The following PDE1C variants were observed in gnomAD, a reference collection of about 807,000 sequenced individuals.
PDE1C encodes phosphodiesterase 1C.
Under a neutral mutation model 93.1 loss-of-function variants are expected in PDE1C, and 62 were observed. The observed-to-expected ratio is 0.67, with a 90% CI of 0.54 to 0.82. PDE1C has a LOEUF of 0.82. Among genes scored for constraint, PDE1C ranks in the 40% least tolerant of loss-of-function variants. The probability of loss-of-function intolerance (pLI) is 0.00; values close to 1 mark genes in which losing one functional copy is unlikely to be tolerated. For missense variants in PDE1C, 742 were observed against 884.6 expected (o/e 0.84, Z 2.04); for synonymous variants, 325 against 310.1 (o/e 1.05, Z -0.50).
intron 1 of PDE1C, among the ~76,000 whole-genome samples, chr7:32,341,192 T>TGAAA (rs1783744368): frequency 1.5e-5 from 2 of 134,038 alleles, no homozygotes; most frequent in African/African-American, 5.8e-5. Flanking sequence ...TTTTTTTTTT[T>TGAAA]TGAGACGGAG....
At chr7:31,705,379 A>G in the PDE1C span, among the ~76,000 whole-genome samples, 5 of 152,194 alleles carry the variant, frequency 3.3e-5, no homozygotes, top group African/African-American at 1.2e-4. Context: ...TTTGGGGCTC[A>G]GCATAGCTAA....
rs981003711 is a variant in PDE1C, at chr7:31,753,304, G to A, written c.*80C>T. 2 of 1,525,162 alleles carry A rather than the reference G, an allele frequency of 1.3e-6. No individual in the cohort carries two copies. The highest frequency in any genetic ancestry group is 1.8e-6 in the Non-Finnish European group (2 of 1,133,556). The allele number at this position is 1,525,162 out of a possible 1,614,324, so 94.5% of individuals were successfully genotyped here. Reference sequence around the variant, plus strand: ...TCCAACAGCCTCCAAGGGTCTTGGAGGTGTGTCCTGCTGTGGCCAGTGGGT... The same window carrying A: ...TCCAACAGCCTCCAAGGGTCTTGGAAGTGTGTCCTGCTGTGGCCAGTGGGT... On this transcript the variant is annotated 3_prime_UTR_variant, in exon 18 of 18. Coordinates refer to ENST00000396191, the MANE Select transcript of PDE1C (RefSeq NM_001191057.4).
chr7:31,688,387 C>T, the PDE1C span, among the ~76,000 whole-genome samples: 7 of 152,184 alleles, frequency 4.6e-5, no homozygotes, highest in East Asian at 1.9e-4. Context: ...TAATTTAAAC[C>T]GCATATTCTC....
At chr7:32,398,094 A>G (rs1784869776) in intron 1 of PDE1C, among the ~76,000 whole-genome samples, 1 of 151,698 alleles carries the variant, frequency 6.6e-6, no homozygotes, top group Admixed American at 6.6e-5. Flanking sequence ...CGGAGCTTGC[A>G]GTGAGCCGAG....
chr7:31,959,466 G>A (rs530893968), intron 2 of PDE1C, among the ~76,000 whole-genome samples: 5 of 152,164 alleles, frequency 3.3e-5, no homozygotes, highest in Non-Finnish European at 7.4e-5. Context: ...CACCCTCTTC[G>A]GGCTCCCAAA....
At chr7:32,242,091 A>G (rs2128870194) in intron 1 of PDE1C, among the ~76,000 whole-genome samples, 1 of 152,330 alleles carries the variant, frequency 6.6e-6, no homozygotes, top group African/African-American at 2.4e-5. Flanking sequence ...AGGATCCATT[A>G]TAAGATTTGT....
chr7:31,821,182 T>A (rs774342949), intron 14 of PDE1C, among the ~76,000 whole-genome samples: 105 of 152,124 alleles, frequency 6.9e-4, no homozygotes, highest in Non-Finnish European at 1.2e-3. Flanking sequence ...ATCCCAGAAG[T>A]CTGCTACATG....
intron 1 of PDE1C, among the ~76,000 whole-genome samples, chr7:32,250,933 T>C (rs1368278709): frequency 3.3e-5 from 5 of 152,236 alleles, no homozygotes; most frequent in Admixed American, 6.5e-5. Flanking sequence ...CTTCTTTTGA[T>C]TGAAAAGGCG....
At chr7:32,390,098 C>A (rs1784722145) in intron 1 of PDE1C, among the ~76,000 whole-genome samples, 1 of 152,036 alleles carries the variant, frequency 6.6e-6, no homozygotes, top group African/African-American at 2.4e-5. Flanking sequence ...TATTTTTCCC[C>A]TTTTTTCTGT....
intron 1 of PDE1C, among the ~76,000 whole-genome samples, chr7:32,406,279 A>G (rs1785050206): frequency 1.3e-5 from 2 of 152,186 alleles, no homozygotes; most frequent in Non-Finnish European, 2.9e-5. Flanking sequence ...TGTAATTTAA[A>G]AAAGAAGAAA....
At chr7:32,193,192 G>T (rs548188673) in intron 2 of PDE1C, among the ~76,000 whole-genome samples, 2 of 152,180 alleles carry the variant, frequency 1.3e-5, no homozygotes, top group African/African-American at 4.8e-5. Flanking sequence ...ACACTATGTT[G>T]AATAGGAGTG....
At chr7:32,391,913 G>A (rs1361917113) in intron 1 of PDE1C, among the ~76,000 whole-genome samples, 1 of 151,926 alleles carries the variant, frequency 6.6e-6, no homozygotes, top group Non-Finnish European at 1.5e-5. Flanking sequence ...AATAACCTAA[G>A]CTGCTACCTT....
Position 32,328,584 on chromosome 7 carries a change from C to T in PDE1C, c.310+99238G>A, listed in dbSNP as rs188428951. Among the ~76,000 whole-genome samples, 102 of 152,286 alleles carry T rather than the reference C, an allele frequency of 6.7e-4. 1 individual carries two copies. The highest frequency in any genetic ancestry group is 2.3e-3 in the African/African-American group (95 of 41,562). On this transcript the variant is annotated intron_variant, in intron 1 of 1. Coordinates refer to the PDE1C transcript ENST00000672256. Reference sequence around the variant, plus strand: ...GAACAAGCCAGGCTCTCTTCCACTTCAGGATCTTTGTATGTGTTGTTCTCT... The same window carrying T: ...GAACAAGCCAGGCTCTCTTCCACTTTAGGATCTTTGTATGTGTTGTTCTCT...
chr7:31,773,607 T>C (rs1795641322), intron 17 of PDE1C, among the ~76,000 whole-genome samples: 1 of 151,928 alleles, frequency 6.6e-6, no homozygotes, highest in African/African-American at 2.4e-5. Context: ...TAGAACAAGA[T>C]CTACTCACTA....
chr7:31,887,080 T>C (rs1798046247), intron 2 of PDE1C, among the ~76,000 whole-genome samples: 1 of 152,026 alleles, frequency 6.6e-6, no homozygotes, highest in Admixed American at 6.6e-5. Context: ...ACATAGTGAG[T>C]GAGATGGAAA....
intron 2 of PDE1C, among the ~76,000 whole-genome samples, chr7:32,194,439 G>A (rs1297043975): frequency 2.0e-5 from 3 of 152,050 alleles, no homozygotes; most frequent in African/African-American, 4.8e-5. Context: ...TCTCATTTTA[G>A]GTCTAACAGA....
chr7:31,801,432 C>A (rs1053808298), intron 16 of PDE1C, among the ~76,000 whole-genome samples: 2 of 151,414 alleles, frequency 1.3e-5, no homozygotes, highest in Non-Finnish European at 3.0e-5. Flanking sequence ...AGAATATAGT[C>A]TATCTTTTTA....
At chr7:31,655,771 C>T in the PDE1C span, 4 of 985,544 alleles carry the variant, frequency 4.1e-6, no homozygotes, top group Non-Finnish European at 4.8e-6. Flanking sequence ...AAGCTTTTTA[C>T]TCTTTACCCA....
At chr7:31,711,570 T>C in the PDE1C span, among the ~76,000 whole-genome samples, 1 of 152,134 alleles carries the variant, frequency 6.6e-6, no homozygotes, top group Non-Finnish European at 1.5e-5. Flanking sequence ...AAAGAGTAAA[T>C]TATACAAGTG....
Sources: allele counts gnomAD v4.1 joint callset (sites outside exome capture counted in the v4.1 genomes callset), GRCh38; gene constraint gnomAD v4.1.1; transcripts MANE v1.5; gene names NCBI Gene and HGNC (gene_info 2026-07-23, HGNC 2026-07-21).